Variants in PGAP2 observed in about 807,000 individuals in gnomAD.
PGAP2 encodes acyltransferase PGAP2.
Under a neutral mutation model 33.2 loss-of-function variants are expected in PGAP2, and 21 were observed. The ratio of observed to expected loss-of-function variants is 0.63; its 90% CI spans 0.45 to 0.91. PGAP2 has a LOEUF of 0.91. PGAP2 is among the 40% of genes least tolerant of loss of function. The pLI, the probability that PGAP2 is intolerant of heterozygous loss-of-function variation, is 0.00. For synonymous variants in PGAP2, 161 were observed against 172.9 expected (o/e 0.93, Z 0.54); for missense variants, 345 against 424.0 (o/e 0.81, Z 1.64).
chr11:3,807,998 G>A (rs374157219), upstream of PGAP2: 7 of 1,313,488 alleles, frequency 5.3e-6, no homozygotes, highest in African/African-American at 6.0e-5. Context: ...GCGCTACGTA[G>A]GACAGGGCGC....
At chr11:3,801,971 T>A (rs1042836055) in intron 1 of PGAP2, among the ~76,000 whole-genome samples, 19 of 151,708 alleles carry the variant, frequency 1.3e-4, no homozygotes, top group Non-Finnish European at 1.9e-4. Flanking sequence ...AATAAATAAA[T>A]AAATAAAAAT....
chr11:3,822,890 C>G (rs1266479502), intron 3 of PGAP2: 3 of 1,376,336 alleles, frequency 2.2e-6, no homozygotes, highest in Admixed American at 2.3e-5. Context: ...TGTGTATTAT[C>G]TTCTCCTTTT....
At chr11:3,815,143 T>G (rs2086712416) in intron 2 of PGAP2, among the ~76,000 whole-genome samples, 1 of 151,962 alleles carries the variant, frequency 6.6e-6, no homozygotes, top group East Asian at 1.9e-4. Context: ...TTCACTATGC[T>G]GGCCAGGCTG....
upstream of PGAP2, chr11:3,808,366 G>A: frequency 6.5e-7 from 1 of 1,550,022 alleles, no homozygotes; most frequent in South Asian, 1.2e-5. Flanking sequence ...GGTATCCAGA[G>A]CTCTTCCGGC....
At chr11:3,818,693 C>T (rs1565032577) in intron 3 of PGAP2, among the ~76,000 whole-genome samples, 1 of 152,176 alleles carries the variant, frequency 6.6e-6, no homozygotes, top group Non-Finnish European at 1.5e-5. Context: ...CCTGGGGGCC[C>T]AGGGATAAAG....
chr11:3,808,143 G>T, upstream of PGAP2: 1 of 1,452,518 alleles, frequency 6.9e-7, no homozygotes, highest in Non-Finnish European at 9.3e-7. Flanking sequence ...AAGTTTGGGG[G>T]AGGGGCGCCA....
chr11:3,825,040 G>C lies in PGAP2; in HGVS notation c.729G>C (p.Trp243Cys), dbSNP rs2089773296. 1.9e-6 allele frequency: 3 copies of C among 1,614,186 alleles called. No homozygotes were observed. The highest frequency in any genetic ancestry group is 2.5e-6 in the Non-Finnish European group (3 of 1,180,026). ...VSQEDRKSYS[W>C]KQRLFIINFI... is the part of the protein sequence containing the mutation. Reference sequence around the variant, plus strand: ...CCTAGGATCGCAAGTCCTACAGCTGGAAACAGCGGCTCTTCATCATCAACT... The same window carrying C: ...CCTAGGATCGCAAGTCCTACAGCTGCAAACAGCGGCTCTTCATCATCAACT... Residue 243 changes from tryptophan to cysteine, a missense_variant, in exon 6 of 7, where the codon TGG becomes TGC. Around this residue, in one of 2 missense-constraint regions of PGAP2, gnomAD observed 311 missense variants for 353.6 expected, o/e 0.88. Transcript: ENST00000278243.
intron 1 of PGAP2, among the ~76,000 whole-genome samples, chr11:3,801,135 CA>C (rs34122688): frequency 2.0e-5 from 3 of 147,118 alleles, no homozygotes; most frequent in African/African-American, 2.5e-5. Context: ...AGTCTGTCTT[CA>C]AAAAAAAAAG....
chr11:3,797,851 G>C (rs2082768439), exon 1 of PGAP2: 2 of 1,550,668 alleles, frequency 1.3e-6, no homozygotes, highest in Non-Finnish European at 1.7e-6. Flanking sequence ...TGAATGGCTA[G>C]ATTGGGAAGC....
At position 3,811,885 on chromosome 11, in the gene PGAP2, A is replaced by G. The variant is rs900554226; in HGVS notation, c.165+461A>G. ...GGTATTTTGGGCCTCTTAATGTAGC[A>G]CTATGGGCTTGTGCCTGTCTCTGTA... On this transcript the variant is annotated intron_variant, in intron 2 of 6. Coordinates refer to ENST00000278243, the MANE Select transcript of PGAP2 (RefSeq NM_014489.4). The surrounding 1 kb of genome is among the most constrained non-coding windows in gnomAD (Gnocchi z 4.6). Among the ~76,000 whole-genome samples the G allele has an allele frequency of 2.6e-5, 4 of 152,128 alleles. No homozygotes were observed. Among genetic ancestry groups the G allele is most frequent in the African/African-American group, 9.7e-5 (4 of 41,422 alleles).
chr11:3,812,830 A>T lies in PGAP2; in HGVS notation c.165+1406A>T, dbSNP rs1029563293. 2.0e-5 allele frequency among the ~76,000 whole-genome samples: 3 copies of T among 152,232 alleles called. No individual in the cohort carries two copies. The East Asian group carries it at 5.8e-4, about 29-fold the overall frequency. On this transcript the variant is annotated intron_variant, in intron 2 of 6. Coordinates refer to ENST00000278243, the MANE Select transcript of PGAP2 (RefSeq NM_014489.4). ...CTCTCCTCCTGATTTGTCAGTGGGT[A>T]GACATGGGTGTTGAGGTATGGACAC... is the stretch of plus-strand genomic sequence containing the variant.
At chr11:3,806,437 C>T (rs1045170816), upstream of PGAP2, among the ~76,000 whole-genome samples, 3 of 152,152 alleles carry the variant, frequency 2.0e-5, no homozygotes, top group Non-Finnish European at 2.9e-5. Context: ...TCTGAGTGCG[C>T]ACCTTCTCCA....
At chr11:3,806,893 C>T (rs1476607880), upstream of PGAP2, among the ~76,000 whole-genome samples, 17 of 151,880 alleles carry the variant, frequency 1.1e-4, no homozygotes, top group Non-Finnish European at 2.5e-4. Context: ...ATGGTGGTGC[C>T]GCCTGTATTC....
chr11:3,819,159 C>T lies in PGAP2; in HGVS notation c.348+1624C>T, dbSNP rs773146472. Reference sequence around the variant, plus strand: ...GACCTCCTGGGCTCAGGTGATTCCTCGCCTCAGCCTCAGCCTTGGGTAGCT... The same window carrying T: ...GACCTCCTGGGCTCAGGTGATTCCTTGCCTCAGCCTCAGCCTTGGGTAGCT... On this transcript the variant is annotated intron_variant, in intron 3 of 6. Coordinates refer to ENST00000278243, the MANE Select transcript of PGAP2 (RefSeq NM_014489.4). 7.2e-5 allele frequency among the ~76,000 whole-genome samples: 11 copies of T among 152,290 alleles called. 1 individual carries two copies. The highest frequency in any genetic ancestry group is 6.8e-3 in the Middle Eastern group (2 of 294).
chr11:3,818,956 G>A (rs1044777119), intron 3 of PGAP2, among the ~76,000 whole-genome samples: 22 of 152,322 alleles, frequency 1.4e-4, no homozygotes, highest in Non-Finnish European at 2.4e-4. Flanking sequence ...TGAATGCCAG[G>A]CCGGCAACTT....
At chr11:3,803,016 C>CA (rs1420276658) in intron 1 of PGAP2, among the ~76,000 whole-genome samples, 2 of 134,130 alleles carry the variant, frequency 1.5e-5, no homozygotes, top group Non-Finnish European at 3.2e-5. Flanking sequence ...CTTTTGGAGA[C>CA]AGAGTCTCAC....
rs1236065370 is a variant in PGAP2 at position 3,798,633 on chromosome 11, TA to T, written c.139+653del. 2.7e-3 allele frequency among the ~76,000 whole-genome samples: 177 copies of T among 65,192 alleles called. 4 individuals are homozygous for T. The highest frequency in any genetic ancestry group is 1.7e-3 in the Non-Finnish European group (63 of 37,780). 42.8% of individuals were successfully genotyped at this position (65,192 alleles called of 152,430 possible). ...GACGTGAGCCACCTCGCCCATGAAC[TA>T]ATTTTTTTTTTTTTTTTTGAGATGG... On this transcript the variant is annotated intron_variant, in intron 1 of 6. Coordinates refer to the PGAP2 transcript ENST00000300730.
chr11:3,811,841 G>A lies in PGAP2; in HGVS notation c.165+417G>A, dbSNP rs1191686663. ...CCAGGGTTTCTGGGAAGTGGAGAGAGAACAGGATTGGGCTAGAGGGTATTT... is the reference window on the plus strand; with the variant it reads ...CCAGGGTTTCTGGGAAGTGGAGAGAAAACAGGATTGGGCTAGAGGGTATTT... On this transcript the variant is annotated intron_variant, in intron 2 of 6. Transcript: ENST00000278243. The surrounding 1 kb of genome is among the most constrained non-coding windows in gnomAD (Gnocchi z 4.6). Among the ~76,000 whole-genome samples the A allele has an allele frequency of 2.6e-5, 4 of 152,182 alleles. No homozygotes were observed. Among genetic ancestry groups the A allele is most frequent in the Non-Finnish European group, 4.4e-5 (3 of 68,030 alleles).
chr11:3,808,462 G>A (rs1427003406), upstream of PGAP2: 3 of 1,478,536 alleles, frequency 2.0e-6, no homozygotes, highest in Admixed American at 2.4e-5. Context: ...AGGAGAGCCA[G>A]GGGTCGGGGT....
Sources: allele counts gnomAD v4.1 joint callset (sites outside exome capture counted in the v4.1 genomes callset), GRCh38; gene constraint gnomAD v4.1.1; regional missense constraint gnomAD v4.1.1; non-coding constraint Gnocchi (gnomAD v3.1); transcripts MANE v1.5; gene names NCBI Gene and HGNC (gene_info 2026-07-23, HGNC 2026-07-21).